PPP2R2A: variants seen among roughly 807,000 people sequenced by gnomAD.
The protein encoded by PPP2R2A is serine/threonine-protein phosphatase 2A 55 kDa regulatory subunit B alpha isoform.
A neutral mutation model predicts 53.2 loss-of-function variants in PPP2R2A; 9 were observed. The observed-to-expected ratio is 0.17, with a 90% CI of 0.10 to 0.30. The LOEUF (loss-of-function observed/expected upper bound fraction) is 0.30. Ranked by LOEUF, PPP2R2A falls within the 10% of genes least tolerant of loss-of-function variation. The pLI is 1.00. For synonymous variants in PPP2R2A, 169 were observed against 174.2 expected (o/e 0.97, Z 0.23); for missense variants, 235 against 534.6 (o/e 0.44, Z 5.53).
intron 3 of PPP2R2A, among the ~76,000 whole-genome samples, chr8:26,344,968 A>G (rs183867258): frequency 7.3e-4 from 111 of 152,290 alleles, no homozygotes; most frequent in Admixed American, 3.1e-3. Context: ...CACAAATTAA[A>G]TTGTTTCATA....
Position 26,360,619 on chromosome 8 carries a change from T to G in PPP2R2A, c.459+338T>G, listed in dbSNP as rs1172959123. On this transcript the variant is annotated intron_variant, in intron 5 of 9. Coordinates refer to ENST00000380737, the MANE Select transcript of PPP2R2A (RefSeq NM_002717.4). This position sits in a 1 kb window ranked among gnomAD's most constrained non-coding sequence, Gnocchi z 4.5. The stretch of plus-strand genomic sequence containing the variant: ...AGTAGATACAGATCAAATCTTCTAG[T>G]TGTAGCTAAAAAATACCAAGAATTA... The G allele has an allele frequency of 3.5e-6, 1 of 287,918 alleles. No individual in the cohort carries two copies. Among genetic ancestry groups the G allele is most frequent in the African/African-American group, 2.2e-5 (1 of 45,794 alleles). The allele number at this position is 287,918 out of a possible 1,614,324, so 17.8% of individuals were successfully genotyped here.
chr8:26,310,326 G>C (rs1056891856), intron 2 of PPP2R2A, among the ~76,000 whole-genome samples: 7 of 123,134 alleles, frequency 5.7e-5, no homozygotes, highest in Non-Finnish European at 1.0e-4. Flanking sequence ...CACAATAAAA[G>C]TATGCCTGTA....
Position 26,354,533 on chromosome 8 carries a change from A to G in PPP2R2A, c.246A>G (p.Pro82=), listed in dbSNP as rs1396961580. Residue 82 remains proline (P), a synonymous_variant, in exon 4 of 10, where the codon CCA becomes CCG. Coordinates refer to ENST00000380737, the MANE Select transcript of PPP2R2A (RefSeq NM_002717.4). This position sits in a 1 kb window ranked among gnomAD's most constrained non-coding sequence, Gnocchi z 4.6. ...ACAGCACCTTCCAGAGCCATGAACC[A>G]GAGTTTGACTACTTGAAAAGTTTAG... ...NVYSTFQSHE[P]EFDYLKSLEI... 6.2e-7 allele frequency: 1 copy of G among 1,609,724 alleles called. No individual in the cohort carries two copies. The highest frequency in any genetic ancestry group is 1.1e-5 in the South Asian group (1 of 90,550).
At chr8:26,369,056 C>T (rs1368524475) in intron 9 of PPP2R2A, among the ~76,000 whole-genome samples, 3 of 149,648 alleles carry the variant, frequency 2.0e-5, no homozygotes, top group East Asian at 2.1e-4. Context: ...TGCAGTGAGC[C>T]GAGATCGCAC....
In PPP2R2A at chr8:26,361,066, T is replaced by C. The variant is rs748560690; in HGVS notation, c.552T>C (p.Ser184=). The change falls in exon 6 of 10, where the codon TCT becomes TCC. Residue 184 remains serine (S), a synonymous_variant. Coordinates refer to ENST00000380737, the MANE Select transcript of PPP2R2A (RefSeq NM_002717.4). ...NAHTYHINSI[S]INSDYETYLS... is the part of the protein sequence containing the mutation. ...ATACATATCACATCAACTCAATTTCTATTAATAGTGATTATGAAACATATT... is the reference window on the plus strand; with the variant it reads ...ATACATATCACATCAACTCAATTTCCATTAATAGTGATTATGAAACATATT... The C allele has an allele frequency of 1.9e-6, 3 of 1,607,156 alleles. No homozygotes were observed.
At chr8:26,366,455 C>T (rs1195755069) in intron 9 of PPP2R2A, 49 bp downstream of exon 9, 1 of 1,391,910 alleles carries the variant, frequency 7.2e-7, no homozygotes, top group African/African-American at 1.5e-5. Context: ...AGAAAAGAAA[C>T]AACTATTTCA....
chr8:26,370,167 C>T lies in PPP2R2A; in HGVS notation c.1098C>T (p.Phe366=), dbSNP rs1805600587. 6.2e-7 allele frequency: 1 copy of T among 1,614,018 alleles called. No individual in the cohort carries two copies. The highest frequency in any genetic ancestry group is 8.5e-7 in the Non-Finnish European group (1 of 1,179,974). ...TGACTGGATCTTACAATAATTTCTT[C>T]AGAATGTTTGACAGAAACACAAAGC... The part of the protein sequence containing the change: ...VVMTGSYNNF[F]RMFDRNTKRD... Residue 366 remains phenylalanine, a synonymous_variant, in exon 10 of 10, where the codon TTC becomes TTT. Transcript: ENST00000380737. This position sits in a 1 kb window ranked among gnomAD's most constrained non-coding sequence, Gnocchi z 6.1.
Position 26,360,309 on chromosome 8 carries a change from G to C in PPP2R2A, c.459+28G>C, listed in dbSNP as rs1805012887. 1.5e-6 allele frequency: 2 copies of C among 1,369,200 alleles called. No homozygotes were observed. The highest frequency in any genetic ancestry group is 1.8e-4 in the Middle Eastern group (1 of 5,452). The allele number at this position is 1,369,200 out of a possible 1,614,324, so 84.8% of individuals were successfully genotyped here. On this transcript the variant is annotated intron_variant, in intron 5 of 9. Coordinates refer to ENST00000380737, the MANE Select transcript of PPP2R2A (RefSeq NM_002717.4). The surrounding 1 kb of genome is among the most constrained non-coding windows in gnomAD (Gnocchi z 4.5). The stretch of plus-strand genomic sequence containing the variant: ...AAGTACATAAGAAAAAAATGTCACA[G>C]ATAGTGCTTGTATTCATATTATATA...
At chr8:26,308,605 A>G (rs1276763969) in intron 2 of PPP2R2A, among the ~76,000 whole-genome samples, 2 of 152,172 alleles carry the variant, frequency 1.3e-5, no homozygotes, top group African/African-American at 2.4e-5. Context: ...TTCTAATTCT[A>G]GTTCTCTCGC....
intron 2 of PPP2R2A, among the ~76,000 whole-genome samples, chr8:26,337,476 C>G (rs1803723455): frequency 6.6e-6 from 1 of 152,202 alleles, no homozygotes; most frequent in Non-Finnish European, 1.5e-5. Context: ...CAGTTGTACT[C>G]TAATGTGCTT....
At chr8:26,317,314 T>C (rs529078686) in intron 2 of PPP2R2A, among the ~76,000 whole-genome samples, 58 of 152,388 alleles carry the variant, frequency 3.8e-4, no homozygotes, top group South Asian at 1.9e-3. Flanking sequence ...GTTATCTGTT[T>C]TTAAAATATC....
chr8:26,291,870 C>T (rs565704727), intron 1 of PPP2R2A, 44 bp downstream of exon 1: 27 of 1,603,640 alleles, frequency 1.7e-5, no homozygotes, highest in Non-Finnish European at 2.2e-5. Context: ...GCACCGCTTC[C>T]TTATTCCTCC....
intron 3 of PPP2R2A, among the ~76,000 whole-genome samples, chr8:26,345,555 A>G (rs2117349765): frequency 6.6e-6 from 1 of 152,222 alleles, no homozygotes; most frequent in South Asian, 2.1e-4. Flanking sequence ...ATACCTTTTC[A>G]TGTCATTCAG....
intron 4 of PPP2R2A, chr8:26,359,088 ATC>A (rs1467037363): frequency 8.2e-6 from 3 of 364,546 alleles, no homozygotes; most frequent in Admixed American, 2.8e-5. Context: ...AAGTCACTTC[ATC>A]TCTCTGTTCT....
In PPP2R2A at chr8:26,370,705, A is replaced by C; in HGVS notation, c.*292A>C. 2.6e-6 allele frequency: 1 copy of C among 389,522 alleles called. No individual in the cohort carries two copies. The highest frequency in any genetic ancestry group is 4.8e-6 in the Non-Finnish European group (1 of 210,300). The allele number at this position is 389,522 out of a possible 1,614,324, so 24.1% of individuals were successfully genotyped here. ...GATTGGACTGTATCAACATTGATTTACTCCACTTTTTATGCCTTCCATTGT... is the reference window on the plus strand; with the variant it reads ...GATTGGACTGTATCAACATTGATTTCCTCCACTTTTTATGCCTTCCATTGT... On this transcript the variant is annotated 3_prime_UTR_variant, in exon 10 of 10. Coordinates refer to ENST00000380737, the MANE Select transcript of PPP2R2A (RefSeq NM_002717.4). The surrounding 1 kb of genome is among the most constrained non-coding windows in gnomAD (Gnocchi z 6.1).
chr8:26,358,446 C>T (rs1477807206), intron 4 of PPP2R2A, among the ~76,000 whole-genome samples: 11 of 152,056 alleles, frequency 7.2e-5, no homozygotes, highest in African/African-American at 2.4e-4. Context: ...TATGACTGAA[C>T]TACAAGAAAA....
chr8:26,297,554 GAC>G (rs1801597586), intron 2 of PPP2R2A, among the ~76,000 whole-genome samples: 1 of 152,158 alleles, frequency 6.6e-6, no homozygotes, highest in Admixed American at 6.5e-5. Flanking sequence ...TCTGTCATGA[GAC>G]AGTAGGTTAA....
intron 8 of PPP2R2A, chr8:26,365,298 T>C (rs1805312666): frequency 6.6e-6 from 1 of 152,230 alleles, no homozygotes; most frequent in Non-Finnish European, 1.5e-5. Context: ...GGTATTTTTT[T>C]CTTACTGATT....
intron 4 of PPP2R2A, among the ~76,000 whole-genome samples, chr8:26,356,046 G>C (rs1204102584): frequency 1.3e-5 from 2 of 152,222 alleles, no homozygotes; most frequent in East Asian, 1.9e-4. Context: ...TTTAGTTTCT[G>C]GGTAGCCGTA....
Sources: allele counts gnomAD v4.1 joint callset (sites outside exome capture counted in the v4.1 genomes callset), GRCh38; gene constraint gnomAD v4.1.1; non-coding constraint Gnocchi (gnomAD v3.1); transcripts MANE v1.5; gene names NCBI Gene and HGNC (gene_info 2026-07-23, HGNC 2026-07-21).